LUZP2: variants seen among roughly 807,000 people sequenced by gnomAD.
The protein encoded by LUZP2 is leucine zipper protein 2.
LUZP2 carries 52 observed loss-of-function variants against 51.6 expected under a neutral mutation model. The observed-to-expected ratio is 1.01, with a 90% CI of 0.81 to 1.27. LUZP2 has a LOEUF of 1.27. LUZP2 is among the 50% of genes most tolerant of loss of function. The pLI, the probability that LUZP2 is intolerant of heterozygous loss-of-function variation, is 0.00. For missense variants in LUZP2, 436 were observed against 395.4 expected (o/e 1.10, Z -0.87); for synonymous variants, 154 against 137.3 (o/e 1.12, Z -0.85).
chr11:24,747,135 T>A (rs1859411250), intron 4 of LUZP2, among the ~76,000 whole-genome samples: 1 of 152,166 alleles, frequency 6.6e-6, no homozygotes, highest in African/African-American at 2.4e-5. Flanking sequence ...CTTTGTCATA[T>A]TACCAGTGTT....
intron 5 of LUZP2, among the ~76,000 whole-genome samples, chr11:24,847,852 C>G (rs567042395): frequency 6.6e-6 from 1 of 152,202 alleles, no homozygotes; most frequent in Admixed American, 6.6e-5. Flanking sequence ...TATATTTAAT[C>G]AAATATTTTT....
At chr11:24,506,900 T>C (rs761951200) in intron 1 of LUZP2, among the ~76,000 whole-genome samples, 1 of 152,068 alleles carries the variant, frequency 6.6e-6, no homozygotes, top group Admixed American at 6.6e-5. Flanking sequence ...TGTATAAATG[T>C]ACAGTGAAGA....
intron 5 of LUZP2, among the ~76,000 whole-genome samples, chr11:24,834,771 T>C (rs1850809214): frequency 6.6e-6 from 1 of 152,194 alleles, no homozygotes; most frequent in Admixed American, 6.5e-5. Context: ...TTTCTGACTT[T>C]CATAATTGCC....
intron 7 of LUZP2, among the ~76,000 whole-genome samples, chr11:24,929,947 T>C (rs1031854358): frequency 6.6e-5 from 10 of 152,288 alleles, no homozygotes; most frequent in African/African-American, 2.4e-4. Flanking sequence ...ATTGTGACAT[T>C]TCCCTGTAGG....
intron 7 of LUZP2, among the ~76,000 whole-genome samples, chr11:24,967,360 CTGTT>C (rs1855614683): frequency 2.6e-5 from 2 of 76,222 alleles, no homozygotes; most frequent in South Asian, 1.3e-3. Flanking sequence ...GTATATCTTT[CTGTT>C]TATTTAAAAT....
chr11:24,684,028 G>C (rs1856825850), intron 1 of LUZP2, among the ~76,000 whole-genome samples: 1 of 151,882 alleles, frequency 6.6e-6, no homozygotes, highest in Admixed American at 6.6e-5. Context: ...CAAACCTTGT[G>C]AAATATACCT....
chr11:24,993,129 A>C (rs1405935147), intron 9 of LUZP2, among the ~76,000 whole-genome samples: 1 of 152,160 alleles, frequency 6.6e-6, no homozygotes, highest in Non-Finnish European at 1.5e-5. Context: ...GAAACATGGT[A>C]AATTGTAAAG....
intron 9 of LUZP2, among the ~76,000 whole-genome samples, chr11:24,984,033 T>C (rs571158289): frequency 6.6e-6 from 1 of 151,770 alleles, no homozygotes; most frequent in South Asian, 2.1e-4. Context: ...TTGAAATAAA[T>C]CCTGAGAGCC....
chr11:24,873,861 T>G (rs78263327), intron 5 of LUZP2, among the ~76,000 whole-genome samples: 2 of 152,340 alleles, frequency 1.3e-5, no homozygotes, highest in East Asian at 3.9e-4. Flanking sequence ...TCTTGCTAGC[T>G]TTCTTGCAGG....
At chr11:24,944,156 C>G (rs1293901400) in intron 7 of LUZP2, among the ~76,000 whole-genome samples, 1 of 152,078 alleles carries the variant, frequency 6.6e-6, no homozygotes, top group Non-Finnish European at 1.5e-5. Flanking sequence ...TTTTGAAGCC[C>G]AGGCAACACC....
chr11:24,737,957 T>A (rs1247415301), intron 3 of LUZP2, among the ~76,000 whole-genome samples: 1 of 152,100 alleles, frequency 6.6e-6, no homozygotes, highest in African/African-American at 2.4e-5. Flanking sequence ...GCCTCACAGA[T>A]GATTCAAACG....
intron 1 of LUZP2, among the ~76,000 whole-genome samples, chr11:24,621,155 C>G (rs1222764077): frequency 6.6e-6 from 1 of 152,172 alleles, no homozygotes; most frequent in Non-Finnish European, 1.5e-5. Context: ...CACACAGTGG[C>G]ACAAATGAAT....
At chr11:25,027,935 A>G (rs887279970) in intron 9 of LUZP2, among the ~76,000 whole-genome samples, 1 of 152,102 alleles carries the variant, frequency 6.6e-6, no homozygotes, top group Non-Finnish European at 1.5e-5. Context: ...AGTGGATAAA[A>G]TCTAAGTTCC....
intron 1 of LUZP2, among the ~76,000 whole-genome samples, chr11:24,671,753 G>GA (rs1856408158): frequency 6.6e-6 from 1 of 152,018 alleles, no homozygotes; most frequent in African/African-American, 2.4e-5. Flanking sequence ...AACATTACAC[G>GA]AACCTAGTTG....
chr11:24,997,373 T>C (rs1162764362), intron 9 of LUZP2, among the ~76,000 whole-genome samples: 1 of 152,218 alleles, frequency 6.6e-6, no homozygotes, highest in Admixed American at 6.5e-5. Context: ...TGGCCAGTGA[T>C]GGTGAGCATT....
chr11:24,615,013 G>A (rs912763882), intron 1 of LUZP2, among the ~76,000 whole-genome samples: 1 of 151,500 alleles, frequency 6.6e-6, no homozygotes, highest in East Asian at 2.0e-4. Flanking sequence ...TAAGAAAAAA[G>A]GTTGAAATTT....
At chr11:24,900,092 T>G (rs1052890079) in intron 5 of LUZP2, among the ~76,000 whole-genome samples, 18 of 152,196 alleles carry the variant, frequency 1.2e-4, no homozygotes, top group African/African-American at 4.3e-4. Flanking sequence ...TCCTGATTCT[T>G]GTGTTTAATG....
chr11:24,682,611 T>C (rs376572819), intron 1 of LUZP2, among the ~76,000 whole-genome samples: 26,769 of 146,618 alleles, frequency 0.18, 2,560 homozygotes, highest in East Asian at 0.32. Flanking sequence ...TATATATGTG[T>C]ATGTGTATAT....
In LUZP2 at chr11:24,818,093, TA is replaced by T. The variant is rs1327495609; in HGVS notation, c.396+54790del. 1.4e-4 allele frequency among the ~76,000 whole-genome samples: 21 copies of T among 152,190 alleles called. 1 individual carries two copies. Among genetic ancestry groups the T allele is most frequent in the African/African-American group, 4.3e-4 (18 of 41,562 alleles). ...TTGAGTTGCAGCAACTTGATTTTTTTAAAAACAACTTTGGTGCTGTCTCTTT... is the reference window on the plus strand; with the variant it reads ...TTGAGTTGCAGCAACTTGATTTTTTTAAAACAACTTTGGTGCTGTCTCTTT... On this transcript the variant is annotated intron_variant, in intron 5 of 11. Transcript: ENST00000336930.
Sources: allele counts gnomAD v4.1 joint callset (sites outside exome capture counted in the v4.1 genomes callset), GRCh38; gene constraint gnomAD v4.1.1; transcripts MANE v1.5; gene names NCBI Gene and HGNC (gene_info 2026-07-23, HGNC 2026-07-21).